DPP10: variants seen among roughly 807,000 people sequenced by gnomAD.
The protein encoded by DPP10 is dipeptidyl peptidase like 10.
DPP10 carries 33 observed loss-of-function variants against 120.9 expected under a neutral mutation model. That is an observed-to-expected ratio of 0.27 (90% confidence interval 0.21 to 0.37). The LOEUF (loss-of-function observed/expected upper bound fraction) is 0.37. DPP10 is among the 10% of genes least tolerant of loss of function. The pLI is 1.00. For synonymous variants in DPP10, 337 were observed against 326.1 expected, an observed-to-expected ratio of 1.03 and a Z score of -0.36; for missense variants, 816 against 942.8, an observed-to-expected ratio of 0.87 and a Z score of 1.76.
At chr2:115,038,599 C>A (rs1704404070) in intron 1 of DPP10, among the ~76,000 whole-genome samples, 1 of 152,080 alleles carries the variant, frequency 6.6e-6, no homozygotes. Flanking sequence ...TATTAGGCTT[C>A]TTCTTTGAGC....
chr2:115,513,725 A>T (rs1031468388), intron 4 of DPP10, among the ~76,000 whole-genome samples: 4 of 152,048 alleles, frequency 2.6e-5, no homozygotes, highest in Non-Finnish European at 5.9e-5. Flanking sequence ...GTTATAACCC[A>T]ATCAACACGC....
At chr2:115,415,488 A>G (rs1312329192) in intron 3 of DPP10, among the ~76,000 whole-genome samples, 3 of 152,106 alleles carry the variant, frequency 2.0e-5, no homozygotes, top group Non-Finnish European at 2.9e-5. Flanking sequence ...TAAACTGAAA[A>G]TGGGAAGTAA....
intron 1 of DPP10, among the ~76,000 whole-genome samples, chr2:114,559,086 C>T (rs1688550323): frequency 6.6e-6 from 1 of 152,136 alleles, no homozygotes; most frequent in Non-Finnish European, 1.5e-5. Context: ...CCTGAGGATA[C>T]CGAAGCTTAG....
chr2:114,678,765 T>C (rs1326516340), intron 1 of DPP10, among the ~76,000 whole-genome samples: 6 of 152,072 alleles, frequency 3.9e-5, no homozygotes, highest in Non-Finnish European at 5.9e-5. Context: ...ACTAACAAAC[T>C]TTCTCTAATT....
At chr2:115,322,277 C>T (rs2062099409) in intron 2 of DPP10, among the ~76,000 whole-genome samples, 1 of 151,910 alleles carries the variant, frequency 6.6e-6, no homozygotes, top group South Asian at 2.1e-4. Context: ...TATTATTCAC[C>T]ATGTATGTTC....
At chr2:114,574,750 G>A (rs536582423) in intron 1 of DPP10, among the ~76,000 whole-genome samples, 2 of 152,200 alleles carry the variant, frequency 1.3e-5, no homozygotes, top group African/African-American at 4.8e-5. Context: ...CAAGCATTAT[G>A]TGAGAGAATG....
intron 19 of DPP10, 163 bp from the exon 20 acceptor site, chr2:115,814,627 CGAA>C: frequency 2.1e-6 from 1 of 470,172 alleles, no homozygotes. Context: ...TACAATTTTA[CGAA>C]GGAAAATTGT....
chr2:115,273,048 G>A (rs890100756), intron 1 of DPP10, among the ~76,000 whole-genome samples: 1 of 151,614 alleles, frequency 6.6e-6, no homozygotes, highest in Non-Finnish European at 1.5e-5. Flanking sequence ...AATTTTATGT[G>A]AGTTGTCCTT....
chr2:115,548,119 T>C (rs1407416181), intron 5 of DPP10, among the ~76,000 whole-genome samples: 1 of 152,190 alleles, frequency 6.6e-6, no homozygotes, highest in Non-Finnish European at 1.5e-5. Flanking sequence ...GAAAGCCGTA[T>C]AGAAAATGTG....
chr2:115,442,089 G>A (rs2072121410), intron 3 of DPP10, among the ~76,000 whole-genome samples: 2 of 151,966 alleles, frequency 1.3e-5, no homozygotes, highest in Admixed American at 1.3e-4. Flanking sequence ...TGGGATTACA[G>A]ACATGAGCCA....
chr2:115,028,412 G>T (rs984228802), intron 1 of DPP10, among the ~76,000 whole-genome samples: 1 of 152,016 alleles, frequency 6.6e-6, no homozygotes, highest in Non-Finnish European at 1.5e-5. Flanking sequence ...AGTTCCTCTT[G>T]TTATTGATTT....
intron 1 of DPP10, among the ~76,000 whole-genome samples, chr2:114,857,355 C>T (rs1325266296): frequency 6.6e-6 from 1 of 152,202 alleles, no homozygotes; most frequent in Non-Finnish European, 1.5e-5. Context: ...CTTTACAGAG[C>T]CCTCCTGCCT....
At chr2:115,485,782 T>C (rs1434779720) in intron 3 of DPP10, among the ~76,000 whole-genome samples, 5 of 152,166 alleles carry the variant, frequency 3.3e-5, no homozygotes, top group Admixed American at 1.3e-4. Context: ...TGCAATTATG[T>C]TGAGAACTAT....
chr2:115,589,659 C>G (rs2149165647), intron 5 of DPP10, among the ~76,000 whole-genome samples: 1 of 152,308 alleles, frequency 6.6e-6, no homozygotes, highest in Admixed American at 6.5e-5. Flanking sequence ...TGGAATCTAA[C>G]AGGTTGACAT....
intron 1 of DPP10, among the ~76,000 whole-genome samples, chr2:115,245,186 A>G (rs1032408128): frequency 3.9e-5 from 6 of 151,952 alleles, no homozygotes; most frequent in Non-Finnish European, 8.8e-5. Context: ...GTTCGTTTTT[A>G]TGGCTGAGTG....
intron 5 of DPP10, among the ~76,000 whole-genome samples, chr2:115,533,796 A>G (rs141242501): frequency 2.6e-5 from 4 of 152,200 alleles, no homozygotes; most frequent in East Asian, 1.9e-4. Context: ...CCTGCCTTCT[A>G]GTGCCCATAG....
intron 1 of DPP10, among the ~76,000 whole-genome samples, chr2:114,931,388 C>G (rs1696058793): frequency 6.6e-6 from 1 of 152,156 alleles, no homozygotes; most frequent in African/African-American, 2.4e-5. Flanking sequence ...GGGCAGAGAT[C>G]ACACACTGAG....
intron 1 of DPP10, among the ~76,000 whole-genome samples, chr2:114,903,016 C>T (rs1280894751): frequency 6.6e-6 from 1 of 152,094 alleles, no homozygotes; most frequent in African/African-American, 2.4e-5. Context: ...TATAGTTTTG[C>T]CTTTGCCAGA....
At position 114,742,239 on chromosome 2, in the gene DPP10, T is replaced by A. The variant is rs552796420; in HGVS notation, c.60+299401T>A. ...TAATTTATACCTCCAGTACAGGAAA[T>A]GATGCAAAGATGAAATACATAGCAC... On this transcript the variant is annotated intron_variant, in intron 1 of 25. Coordinates refer to ENST00000410059, the MANE Select transcript of DPP10 (RefSeq NM_020868.6). Among the ~76,000 whole-genome samples the A allele has an allele frequency of 5.3e-5, 8 of 151,976 alleles. No individual in the cohort carries two copies. The South Asian group carries it at 1.7e-3, about 32-fold the overall frequency.
Sources: gnomAD v4.1 joint callset for allele counts (sites outside exome capture counted in the v4.1 genomes callset) on GRCh38, gnomAD v4.1.1 for gene constraint, MANE v1.5 for transcripts, NCBI Gene and HGNC (gene_info 2026-07-23, HGNC 2026-07-21) for gene names.